IGSF11: variants seen among roughly 807,000 people sequenced by gnomAD.
IGSF11 encodes immunoglobulin superfamily member 11.
Under a neutral mutation model 41.0 loss-of-function variants are expected in IGSF11, and 22 were observed. The ratio of observed to expected loss-of-function variants is 0.54; its 90% CI spans 0.38 to 0.77. The LOEUF is 0.77. Ranked by LOEUF, IGSF11 falls within the 30% of genes least tolerant of loss-of-function variation. The probability of loss-of-function intolerance (pLI) is 0.00; values close to 1 mark genes in which losing one functional copy is unlikely to be tolerated. For synonymous variants in IGSF11, 219 were observed against 201.3 expected, an observed-to-expected ratio of 1.09 and a Z score of -0.74; for missense variants, 444 against 530.8, an observed-to-expected ratio of 0.84 and a Z score of 1.61.
chr3:119,045,296 A>C (rs980555656), intron 1 of IGSF11, among the ~76,000 whole-genome samples: 1 of 152,168 alleles, frequency 6.6e-6, no homozygotes, highest in East Asian at 1.9e-4. Flanking sequence ...TGCACCGTGC[A>C]CGAGCCGAAG....
Position 118,928,542 on chromosome 3 carries a change from T to G in IGSF11, c.391A>C (p.Arg131=). 1 of 1,613,412 alleles carries G rather than the reference T, an allele frequency of 6.2e-7. No individual in the cohort carries two copies. The highest frequency in any genetic ancestry group is 8.5e-7 in the Non-Finnish European group (1 of 1,179,960). ...LVNNLPDIGG[R]NIGVTGLTVL... Reference sequence around the variant, plus strand: ...GTGAGACCGGTGACCCCAATGTTCCTGCCCCCTATGTCTGGAAGGTTGTTG... The same window carrying G: ...GTGAGACCGGTGACCCCAATGTTCCGGCCCCCTATGTCTGGAAGGTTGTTG... Residue 131 remains arginine (R), a synonymous_variant, in exon 3 of 7, where the codon AGG becomes CGG. Coordinates refer to ENST00000393775, the MANE Select transcript of IGSF11 (RefSeq NM_001015887.3).
chr3:118,956,095 C>A (rs113743020), intron 1 of IGSF11, among the ~76,000 whole-genome samples: 1,805 of 152,272 alleles, frequency 0.012, 40 homozygotes, highest in African/African-American at 0.041. Flanking sequence ...CATGAACCAA[C>A]CTCTGCTAGC....
At chr3:118,963,886 C>T (rs1168297716) in intron 1 of IGSF11, among the ~76,000 whole-genome samples, 1 of 152,060 alleles carries the variant, frequency 6.6e-6, no homozygotes, top group Admixed American at 6.5e-5. Context: ...TTATGATGGG[C>T]CCCTCTGCCA....
chr3:119,130,655 A>G (rs1034133470), intron 1 of IGSF11, among the ~76,000 whole-genome samples: 1 of 152,030 alleles, frequency 6.6e-6, no homozygotes, highest in African/African-American at 2.4e-5. Context: ...GGCAGCAGAC[A>G]ACTTCTGCAG....
intron 1 of IGSF11, among the ~76,000 whole-genome samples, chr3:119,073,764 G>C (rs2076444590): frequency 6.6e-6 from 1 of 152,156 alleles, no homozygotes; most frequent in South Asian, 2.1e-4. Context: ...CACAGCCCCG[G>C]TTTCCACCCA....
At chr3:118,986,446 T>C (rs1235770458) in intron 1 of IGSF11, among the ~76,000 whole-genome samples, 1 of 152,246 alleles carries the variant, frequency 6.6e-6, no homozygotes, top group African/African-American at 2.4e-5. Flanking sequence ...ATACTATCTG[T>C]AACATTTTCT....
At chr3:119,141,055 A>AT (rs2077641542) in intron 1 of IGSF11, among the ~76,000 whole-genome samples, 1 of 151,012 alleles carries the variant, frequency 6.6e-6, no homozygotes, top group Non-Finnish European at 1.5e-5. Context: ...AAAAAAAAAA[A>AT]AAAAAATACA....
intron 1 of IGSF11, among the ~76,000 whole-genome samples, chr3:119,029,297 A>G (rs1010432131): frequency 1.3e-5 from 2 of 151,624 alleles, no homozygotes; most frequent in African/African-American, 2.4e-5. Context: ...AGAGAATGCG[A>G]GAGAGAGAGC....
intron 1 of IGSF11, among the ~76,000 whole-genome samples, chr3:119,009,605 A>C (rs879263428): frequency 6.6e-5 from 10 of 152,224 alleles, no homozygotes; most frequent in Non-Finnish European, 1.0e-4. Flanking sequence ...TGGAACTGTC[A>C]GTCAAATAAA....
intron 1 of IGSF11, among the ~76,000 whole-genome samples, chr3:119,135,005 C>T (rs987869985): frequency 2.0e-5 from 3 of 152,088 alleles, no homozygotes; most frequent in Non-Finnish European, 2.9e-5. Context: ...AACTAGCTAG[C>T]CATATGTAGA....
chr3:118,923,036 C>A (rs1941975207), intron 4 of IGSF11, among the ~76,000 whole-genome samples: 1 of 152,116 alleles, frequency 6.6e-6, no homozygotes, highest in Non-Finnish European at 1.5e-5. Context: ...CAGTGATACT[C>A]AGGTATAAAA....
chr3:118,923,446 A>C (rs1001269767), intron 4 of IGSF11, among the ~76,000 whole-genome samples: 1 of 152,226 alleles, frequency 6.6e-6, no homozygotes, highest in African/African-American at 2.4e-5. Flanking sequence ...AAAGTCGAGA[A>C]ATTTAACTCT....
intron 1 of IGSF11, among the ~76,000 whole-genome samples, chr3:118,990,885 G>A (rs916157764): frequency 3.9e-5 from 6 of 152,146 alleles, no homozygotes; most frequent in African/African-American, 1.4e-4. Context: ...TGTGTAGGTA[G>A]GAAGGGAGAG....
chr3:118,913,884 A>T (rs1940676208), intron 4 of IGSF11, among the ~76,000 whole-genome samples: 1 of 152,258 alleles, frequency 6.6e-6, no homozygotes, highest in South Asian at 2.1e-4. Flanking sequence ...CAAACACAGA[A>T]ATTAAACATA....
chr3:119,084,548 G>A (rs1406768278), intron 1 of IGSF11, among the ~76,000 whole-genome samples: 1 of 152,120 alleles, frequency 6.6e-6, no homozygotes, highest in African/African-American at 2.4e-5. Flanking sequence ...CCCACTGCAG[G>A]CTGCCCATCT....
upstream of IGSF11, among the ~76,000 whole-genome samples, chr3:119,038,400 A>G (rs1208477636): frequency 6.6e-6 from 1 of 152,222 alleles, no homozygotes; most frequent in Non-Finnish European, 1.5e-5. Context: ...GGAGCTAAAC[A>G]GCAATATCCA....
At chr3:119,073,288 T>A (rs1228077203) in intron 1 of IGSF11, among the ~76,000 whole-genome samples, 2 of 152,064 alleles carry the variant, frequency 1.3e-5, no homozygotes, top group Non-Finnish European at 2.9e-5. Flanking sequence ...CAGCTAGACA[T>A]AAAAGTTCTC....
upstream of IGSF11, among the ~76,000 whole-genome samples, chr3:119,036,980 A>AT (rs982167296): frequency 3.2e-4 from 49 of 152,340 alleles, no homozygotes; most frequent in African/African-American, 1.2e-3. Flanking sequence ...CAGATGGTAG[A>AT]TGGTGGACCA....
chr3:119,044,857 C>T (rs912593625), intron 1 of IGSF11, among the ~76,000 whole-genome samples: 3 of 152,162 alleles, frequency 2.0e-5, no homozygotes, highest in Non-Finnish European at 2.9e-5. Context: ...CAAATGCTGA[C>T]AGAATTCACC....
Sources: gnomAD v4.1 joint callset for allele counts (sites outside exome capture counted in the v4.1 genomes callset) on GRCh38, gnomAD v4.1.1 for gene constraint, MANE v1.5 for transcripts, NCBI Gene and HGNC (gene_info 2026-07-23, HGNC 2026-07-21) for gene names.